The following MCTP1 variants were observed in gnomAD, a reference collection of about 807,000 sequenced individuals.
MCTP1 encodes multiple C2 and transmembrane domain containing 1.
Under a neutral mutation model 120.6 loss-of-function variants are expected in MCTP1, and 69 were observed. The ratio of observed to expected loss-of-function variants is 0.57; its 90% CI spans 0.47 to 0.70. The LOEUF (loss-of-function observed/expected upper bound fraction) is 0.70, where lower values mean the gene tolerates loss of function less well. Among genes scored for constraint, MCTP1 ranks in the 30% least tolerant of loss-of-function variants. The pLI is 0.00. For missense variants in MCTP1, 1,203 were observed against 1,248.8 expected, an observed-to-expected ratio of 0.96 and a Z score of 0.55; for synonymous variants, 529 against 493.1, an observed-to-expected ratio of 1.07 and a Z score of -0.96.
chr5:95,185,380 A>G (rs566576029), intron 1 of MCTP1, among the ~76,000 whole-genome samples: 1 of 152,344 alleles, frequency 6.6e-6, no homozygotes, highest in East Asian at 1.9e-4. Flanking sequence ...AATATTTGGA[A>G]AATTGATCAA....
intron 1 of MCTP1, among the ~76,000 whole-genome samples, chr5:95,045,772 T>G (rs542648854): frequency 6.6e-6 from 1 of 152,274 alleles, no homozygotes; most frequent in East Asian, 1.9e-4. Flanking sequence ...TTTCTGACAT[T>G]TAAAGTTCTC....
intron 1 of MCTP1, among the ~76,000 whole-genome samples, chr5:95,267,086 A>AT (rs1404391964): frequency 1.3e-5 from 2 of 152,226 alleles, no homozygotes; most frequent in African/African-American, 2.4e-5. Flanking sequence ...TAAAATTTAG[A>AT]TTTTATGTCT....
At chr5:94,844,301 C>CAAAAA (rs59169145) in intron 17 of MCTP1, among the ~76,000 whole-genome samples, 40,176 of 78,876 alleles carry the variant, frequency 0.51, 10,550 homozygotes, top group Non-Finnish European at 0.62. Context: ...GACTCTGTCT[C>CAAAAA]AAAAAAAAAA....
intron 1 of MCTP1, among the ~76,000 whole-genome samples, chr5:95,145,924 T>G (rs1441704645): frequency 6.6e-6 from 1 of 152,128 alleles, no homozygotes; most frequent in Admixed American, 6.5e-5. Flanking sequence ...GGGAGGAGCC[T>G]CTCCTGTTTC....
intron 17 of MCTP1, among the ~76,000 whole-genome samples, chr5:94,827,815 C>T (rs1399087606): frequency 6.6e-6 from 1 of 151,792 alleles, no homozygotes; most frequent in African/African-American, 2.4e-5. Flanking sequence ...TCAGCTCCGT[C>T]AGGTCATTTA....
At chr5:95,081,518 A>G (rs1393896688) in intron 1 of MCTP1, 1 of 1,596,506 alleles carries the variant, frequency 6.3e-7, no homozygotes, top group East Asian at 2.2e-5. Flanking sequence ...CTTTCACTCC[A>G]GTGAGAGAAC....
chr5:94,947,575 T>TAGAGAG (rs1252999006), intron 3 of MCTP1, among the ~76,000 whole-genome samples: 6 of 47,428 alleles, frequency 1.3e-4, no homozygotes, highest in Admixed American at 4.5e-4. Flanking sequence ...TATATATATA[T>TAGAGAG]ATAGAGAGAG....
chr5:94,867,420 T>G (rs1797034225), intron 17 of MCTP1: 1 of 1,123,032 alleles, frequency 8.9e-7, no homozygotes, highest in Admixed American at 2.0e-5. Flanking sequence ...TAAACAGATG[T>G]GCATACACTC....
chr5:94,927,733 T>G (rs930626408), intron 6 of MCTP1, among the ~76,000 whole-genome samples: 2 of 152,200 alleles, frequency 1.3e-5, no homozygotes, highest in African/African-American at 2.4e-5. Context: ...TTTTTGCTGA[T>G]GCATTTTTAA....
At chr5:95,009,086 G>GAC (rs1461350404) in intron 2 of MCTP1, among the ~76,000 whole-genome samples, 6 of 71,252 alleles carry the variant, frequency 8.4e-5, no homozygotes, top group African/African-American at 2.0e-4. Flanking sequence ...GAGAGAGAGA[G>GAC]AGAGAGAGAG....
rs941130045 is a variant in MCTP1 at position 95,125,453 on chromosome 5, C to T, written c.721-107969G>A. On this transcript the variant is annotated intron_variant, in intron 1 of 22. Coordinates refer to ENST00000515393, the MANE Select transcript of MCTP1 (RefSeq NM_024717.7). ...TCCTAAAGACTCTTCTTCCTGGAATCGCTAGCCACAACCTTCACCTGGCAG... is the reference window on the plus strand; with the variant it reads ...TCCTAAAGACTCTTCTTCCTGGAATTGCTAGCCACAACCTTCACCTGGCAG... Among the ~76,000 whole-genome samples, 4 of 152,158 alleles carry T rather than the reference C, an allele frequency of 2.6e-5. No individual in the cohort carries two copies. The South Asian group carries it at 6.2e-4, about 24-fold the overall frequency.
At chr5:94,970,354 G>A (rs1222768792) in intron 2 of MCTP1, among the ~76,000 whole-genome samples, 1 of 151,962 alleles carries the variant, frequency 6.6e-6, no homozygotes, top group Non-Finnish European at 1.5e-5. Context: ...GGATATATAT[G>A]TATGGATGTA....
chr5:95,284,268 G>T lies in MCTP1; in HGVS notation c.308C>A (p.Ser103Ter). Residue 103 changes from serine (S) to a stop codon, truncating the protein, a stop_gained, in exon 1 of 23, where the codon TCG (serine) becomes TAG (stop). Transcript: ENST00000515393. LOFTEE classifies it high-confidence loss of function. This position sits in a 1 kb window ranked among gnomAD's most constrained non-coding sequence, Gnocchi z 5.2. ...SSSQPNLCCS[S>*]PEPLEPGGAG... is the part of the protein sequence containing the mutation. ...GCCGCCGGGCTCCAGGGGCTCCGGC[G>T]ACGAGCAGCACAGGTTGGGCTGCGA... The T allele has an allele frequency of 6.3e-7, 1 of 1,592,840 alleles. No individual in the cohort carries two copies. The highest frequency in any genetic ancestry group is 8.5e-7 in the Non-Finnish European group (1 of 1,176,792).
At chr5:95,267,558 T>A (rs1472002111) in intron 1 of MCTP1, among the ~76,000 whole-genome samples, 1 of 152,238 alleles carries the variant, frequency 6.6e-6, no homozygotes, top group Non-Finnish European at 1.5e-5. Flanking sequence ...TCGACATTTT[T>A]AAAATGTCAT....
At chr5:95,042,752 A>T (rs1296778090) in intron 1 of MCTP1, among the ~76,000 whole-genome samples, 1 of 152,192 alleles carries the variant, frequency 6.6e-6, no homozygotes, top group Non-Finnish European at 1.5e-5. Context: ...ACTGTCAATC[A>T]CCTTGCCTTT....
chr5:94,708,582 C>G lies in MCTP1; in HGVS notation c.2858G>C (p.Arg953Pro). 2 of 1,610,336 alleles carry G rather than the reference C, an allele frequency of 1.2e-6. No homozygotes were observed. Among genetic ancestry groups the G allele is most frequent in the Non-Finnish European group, 1.7e-6 (2 of 1,177,386 alleles). ...WGINKFTKKLRSPYAIDNNEL... is the reference protein window; with the variant it reads ...WGINKFTKKLPSPYAIDNNEL... Reference sequence around the variant, plus strand: ...ATTGTTATCAATTGCATATGGACTCCGAAGCTTTTTTGTAAATTTATTGAT... The same window carrying G: ...ATTGTTATCAATTGCATATGGACTCGGAAGCTTTTTTGTAAATTTATTGAT... The change falls in exon 22 of 23, where the codon CGG becomes CCG. Residue 953 changes from arginine to proline, a missense_variant. Arg to Pro is a moderately radical substitution (Grantham distance 103). This residue lies in a region of MCTP1 where 740 missense variants were observed against 871.1 expected (regional missense o/e 0.85). Coordinates refer to ENST00000515393, the MANE Select transcript of MCTP1 (RefSeq NM_024717.7).
intron 18 of MCTP1, among the ~76,000 whole-genome samples, chr5:94,780,990 G>T (rs1005843379): frequency 2.6e-5 from 4 of 152,102 alleles, no homozygotes; most frequent in Admixed American, 6.6e-5. Context: ...TGGGCTATTT[G>T]TGAGGGAGGT....
At chr5:94,913,067 A>G (rs1809169574) in intron 8 of MCTP1, 91 bp from the exon 9 acceptor site, 2 of 776,004 alleles carry the variant, frequency 2.6e-6, no homozygotes, top group Non-Finnish European at 3.9e-6. Context: ...ATGATTCTTC[A>G]AAAAATAAAG....
At chr5:95,229,085 A>G (rs971825239) in intron 1 of MCTP1, among the ~76,000 whole-genome samples, 7 of 152,346 alleles carry the variant, frequency 4.6e-5, no homozygotes, top group African/African-American at 1.7e-4. Flanking sequence ...ATGAAAGCCA[A>G]AAAACACAGG....
Sources: gnomAD v4.1 joint callset for allele counts (sites outside exome capture counted in the v4.1 genomes callset) on GRCh38, gnomAD v4.1.1 for gene constraint, gnomAD v4.1.1 regional missense constraint, Gnocchi (gnomAD v3.1) non-coding constraint, MANE v1.5 for transcripts, NCBI Gene and HGNC (gene_info 2026-07-23, HGNC 2026-07-21) for gene names.